EIPR1: variants seen among roughly 807,000 people sequenced by gnomAD.
EIPR1 encodes EARP and GARP complex-interacting protein 1.
EIPR1 carries 25 observed loss-of-function variants against 48.1 expected under a neutral mutation model. The observed-to-expected ratio is 0.52, with a 90% CI of 0.38 to 0.73. The LOEUF is 0.73. Among genes scored for constraint, EIPR1 ranks in the 30% least tolerant of loss-of-function variants. The pLI is 0.00. For missense variants in EIPR1, 415 were observed against 506.2 expected, an observed-to-expected ratio of 0.82 and a Z score of 1.73; for synonymous variants, 204 against 201.9, an observed-to-expected ratio of 1.01 and a Z score of -0.09.
At chr2:3,241,076 C>T (rs560807334) in intron 4 of EIPR1, among the ~76,000 whole-genome samples, 10 of 151,934 alleles carry the variant, frequency 6.6e-5, no homozygotes, top group Admixed American at 6.6e-4. Context: ...TAAAGAAAAG[C>T]CAGCAGACTC....
At chr2:3,306,815 C>T (rs1376168085) in intron 3 of EIPR1, among the ~76,000 whole-genome samples, 11 of 152,030 alleles carry the variant, frequency 7.2e-5, no homozygotes, top group Middle Eastern at 3.2e-3. Context: ...AAAATCCATG[C>T]GTAAGTGGAC....
At chr2:3,373,051 C>T (rs1659740496) in intron 1 of EIPR1, among the ~76,000 whole-genome samples, 5 of 152,196 alleles carry the variant, frequency 3.3e-5, no homozygotes, top group Admixed American at 3.3e-4. Context: ...CGGGCTTCAT[C>T]CCTGGGATAC....
intron 3 of EIPR1, among the ~76,000 whole-genome samples, chr2:3,310,693 C>CTAAAAACT (rs1669106112): frequency 7.7e-6 from 1 of 130,002 alleles, no homozygotes; most frequent in Non-Finnish European, 1.7e-5. Flanking sequence ...TAATTTAAAA[C>CTAAAAACT]TAAAAACTTA....
rs183486167 is a variant in EIPR1, at chr2:3,238,652, G to A, written c.416+18647C>T. Among the ~76,000 whole-genome samples the A allele has an allele frequency of 1.4e-4, 21 of 152,318 alleles. No homozygotes were observed. The Middle Eastern group carries it at 0.017, about 123-fold the overall frequency. On this transcript the variant is annotated intron_variant, in intron 4 of 8. Coordinates refer to ENST00000382125, the MANE Select transcript of EIPR1 (RefSeq NM_003310.5). ...GCGTCCAATGTGGAAAATTAACTCT[G>A]AATAACTTCAGGGTATGAATCAAGG...
At chr2:3,323,526 C>T (rs755916925) in intron 3 of EIPR1, among the ~76,000 whole-genome samples, 4 of 152,190 alleles carry the variant, frequency 2.6e-5, no homozygotes, top group Non-Finnish European at 5.9e-5. Context: ...CTTGTGGCCT[C>T]GGGGCACAGG....
At chr2:3,336,790 GAAAGGAAAAGAAAAGA>G (rs1170543991) in intron 3 of EIPR1, among the ~76,000 whole-genome samples, 75 of 97,308 alleles carry the variant, frequency 7.7e-4, no homozygotes, top group Admixed American at 1.5e-3. Context: ...AAAAGAAAAG[GAAAGGAAAAGAAAAGA>G]AAAGGAAAAG....
intron 4 of EIPR1, among the ~76,000 whole-genome samples, chr2:3,232,844 C>G (rs1053374197): frequency 6.6e-6 from 1 of 152,144 alleles, no homozygotes; most frequent in African/African-American, 2.4e-5. Flanking sequence ...TCTCAACCAC[C>G]CTGAAAAGCA....
chr2:3,268,281 T>A (rs1211112671), intron 3 of EIPR1, among the ~76,000 whole-genome samples: 1 of 152,204 alleles, frequency 6.6e-6, no homozygotes, highest in Non-Finnish European at 1.5e-5. Flanking sequence ...GCACCCTGTC[T>A]ATAGCCCAGA....
chr2:3,306,848 G>A (rs1668960135), intron 3 of EIPR1, among the ~76,000 whole-genome samples: 1 of 152,116 alleles, frequency 6.6e-6, no homozygotes, highest in Non-Finnish European at 1.5e-5. Flanking sequence ...AACCCATGTT[G>A]TTCAAAGTCA....
intron 1 of EIPR1, among the ~76,000 whole-genome samples, chr2:3,374,215 T>C (rs973334219): frequency 1.3e-5 from 2 of 151,894 alleles, no homozygotes; most frequent in East Asian, 1.9e-4. Flanking sequence ...TTACACCTTA[T>C]ACAAAAATTA....
At chr2:3,294,984 TAC>T (rs143221197) in intron 3 of EIPR1, among the ~76,000 whole-genome samples, 2 of 67,438 alleles carry the variant, frequency 3.0e-5, no homozygotes, top group African/African-American at 6.6e-5. Flanking sequence ...CCATCCTCTC[TAC>T]ACACACACAC....
chr2:3,220,843 C>A lies in EIPR1; in HGVS notation c.417-6595G>T, dbSNP rs571107675. Among the ~76,000 whole-genome samples, 73 of 149,018 alleles carry A rather than the reference C, an allele frequency of 4.9e-4. 2 individuals carry two copies. The highest frequency in any genetic ancestry group is 1.7e-3 in the African/African-American group (70 of 40,296). On this transcript the variant is annotated intron_variant, in intron 4 of 8. Coordinates refer to ENST00000382125, the MANE Select transcript of EIPR1 (RefSeq NM_003310.5). ...GCACACTAGAGCATTCACGGTGAGT[C>A]GGGAACACACGTACGCAATGGCCGA...
At chr2:3,365,638 C>T (rs1219641153) in intron 1 of EIPR1, among the ~76,000 whole-genome samples, 1 of 150,266 alleles carries the variant, frequency 6.7e-6, no homozygotes, top group Non-Finnish European at 1.5e-5. Context: ...CTGCGGCCTT[C>T]CGCAGTGTTT....
rs576991220 is a variant in EIPR1 at position 3,254,072 on chromosome 2, T to C, written c.416+3227A>G. Among the ~76,000 whole-genome samples the C allele has an allele frequency of 3.5e-4, 53 of 152,252 alleles. No individual in the cohort carries two copies. In the South Asian group the frequency reaches 6.2e-3, roughly 18 times the overall value. ...GGAGCTGTTCTTGGTGCCAATTATATGCCAAAAGGAGGCAAACAAAACCAC... is the reference window on the plus strand; with the variant it reads ...GGAGCTGTTCTTGGTGCCAATTATACGCCAAAAGGAGGCAAACAAAACCAC... On this transcript the variant is annotated intron_variant, in intron 4 of 8. Coordinates refer to ENST00000382125, the MANE Select transcript of EIPR1 (RefSeq NM_003310.5).
intron 2 of EIPR1, among the ~76,000 whole-genome samples, chr2:3,346,892 CT>C (rs1427887999): frequency 1.3e-5 from 2 of 152,192 alleles, no homozygotes; most frequent in Non-Finnish European, 2.9e-5. Context: ...AAATTTGTCC[CT>C]TTCGAAATCT....
intron 3 of EIPR1, among the ~76,000 whole-genome samples, chr2:3,265,496 A>G (rs1667459270): frequency 1.3e-5 from 2 of 152,212 alleles, no homozygotes; most frequent in South Asian, 4.1e-4. Flanking sequence ...AAGAAGGAAA[A>G]CCTAATCTTT....
intron 2 of EIPR1, among the ~76,000 whole-genome samples, chr2:3,350,566 C>T (rs545481259): frequency 1.8e-4 from 28 of 152,198 alleles, no homozygotes; most frequent in African/African-American, 4.8e-4. Flanking sequence ...ACTCAGGACA[C>T]GAATATCTGT....
intron 2 of EIPR1, among the ~76,000 whole-genome samples, chr2:3,339,192 C>T (rs181901594): frequency 1.2e-3 from 180 of 152,230 alleles, no homozygotes; most frequent in Middle Eastern, 6.8e-3. Context: ...TAAAAATGTA[C>T]GCGTGTCCAA....
intron 4 of EIPR1, among the ~76,000 whole-genome samples, chr2:3,232,623 T>C (rs1329508997): frequency 1.3e-5 from 2 of 152,188 alleles, no homozygotes; most frequent in African/African-American, 4.8e-5. Flanking sequence ...TTTGCCTGCT[T>C]CACTGAGCAC....
Sources: allele counts gnomAD v4.1 joint callset (sites outside exome capture counted in the v4.1 genomes callset), GRCh38; gene constraint gnomAD v4.1.1; transcripts MANE v1.5; gene names NCBI Gene and HGNC (gene_info 2026-07-23, HGNC 2026-07-21).